The following ERH variants were observed in gnomAD, a reference collection of about 807,000 sequenced individuals.
The protein encoded by ERH is ERH mRNA splicing and mitosis factor.
In ERH, 1 loss-of-function variant was observed where a neutral mutation model predicts 16.8. The observed-to-expected ratio is 0.06, with a 90% CI of 0.02 to 0.28. ERH has a LOEUF of 0.28. Ranked by LOEUF, ERH falls within the 10% of genes least tolerant of loss-of-function variation. The pLI, the probability that ERH is intolerant of heterozygous loss-of-function variation, is 1.00. For synonymous variants in ERH, 43 were observed against 43.6 expected (o/e 0.99, Z 0.05); for missense variants, 42 against 127.5 (o/e 0.33, Z 3.23).
intron 3 of ERH, among the ~76,000 whole-genome samples, chr14:69,383,735 T>C (rs1332661620): frequency 2.0e-5 from 3 of 152,240 alleles, no homozygotes; most frequent in Admixed American, 2.0e-4. Flanking sequence ...GGAAATACTG[T>C]AGGTGGGAAG....
At chr14:69,382,753 C>T (rs1164972488) in intron 3 of ERH, among the ~76,000 whole-genome samples, 6 of 148,982 alleles carry the variant, frequency 4.0e-5, no homozygotes, top group African/African-American at 1.5e-4. Flanking sequence ...GCAGGAGAAT[C>T]GCTTGAACCC....
At chr14:69,398,146 T>C in intron 1 of ERH, 85 bp downstream of exon 1, 2 of 1,508,364 alleles carry the variant, frequency 1.3e-6, no homozygotes, top group Admixed American at 1.8e-5. Context: ...TGCATGGGGC[T>C]CGTGGGGAGG....
intron 1 of ERH, among the ~76,000 whole-genome samples, chr14:69,395,123 T>C (rs1179181088): frequency 1.3e-5 from 2 of 152,098 alleles, no homozygotes; most frequent in Non-Finnish European, 2.9e-5. Context: ...GAGACCAACC[T>C]GGGCAACATA....
intron 3 of ERH, 46 bp from the exon 4 acceptor site, chr14:69,380,686 G>A (rs2045857713): frequency 1.8e-6 from 2 of 1,123,070 alleles, no homozygotes; most frequent in African/African-American, 3.1e-5. Context: ...GTCAATCACT[G>A]CCAGGTGTTT....
chr14:69,383,440 G>A (rs1221289622), intron 3 of ERH, among the ~76,000 whole-genome samples: 2 of 152,174 alleles, frequency 1.3e-5, no homozygotes, highest in Non-Finnish European at 2.9e-5. Flanking sequence ...GAGGAGTAAC[G>A]GCCCAAATCA....
intron 3 of ERH, among the ~76,000 whole-genome samples, chr14:69,382,978 A>G (rs774699657): frequency 1.3e-5 from 2 of 152,192 alleles, no homozygotes; most frequent in Non-Finnish European, 2.9e-5. Flanking sequence ...TAAGAACAGA[A>G]GCTGTGGGTC....
chr14:69,384,916 T>C (rs1324427335), intron 3 of ERH, among the ~76,000 whole-genome samples: 1 of 152,126 alleles, frequency 6.6e-6, no homozygotes, highest in Non-Finnish European at 1.5e-5. Flanking sequence ...AATGATCTCA[T>C]CTCCTACCCT....
chr14:69,390,363 A>G (rs1278725817), intron 2 of ERH, among the ~76,000 whole-genome samples: 1 of 152,252 alleles, frequency 6.6e-6, no homozygotes, highest in African/African-American at 2.4e-5. Flanking sequence ...CAGGATAGGT[A>G]TCTACATCAA....
At position 69,380,770 on chromosome 14, in the gene ERH, G is replaced by A. The variant is rs1039210903; in HGVS notation, c.213-130C>T. 3 of 589,750 alleles carry A rather than the reference G, an allele frequency of 5.1e-6. No individual in the cohort carries two copies. The African/African-American group carries it at 5.6e-5, about 11-fold the overall frequency. 36.5% of individuals were successfully genotyped at this position (589,750 alleles called of 1,614,324 possible). A position where few individuals can be genotyped will look rare whatever the true frequency, so the allele number is the denominator to read the frequency against. ...CCAAAAATGAACTTAATGAAAAGCT[G>A]AAAGAGCTACTTACACAGTCGTTGA... is the stretch of plus-strand genomic sequence containing the variant. On this transcript the variant is annotated intron_variant, in intron 3 of 3. Coordinates refer to ENST00000557016, the MANE Select transcript of ERH (RefSeq NM_004450.3).
chr14:69,381,698 C>CT (rs949988722), intron 3 of ERH, among the ~76,000 whole-genome samples: 2 of 151,804 alleles, frequency 1.3e-5, no homozygotes, highest in Admixed American at 1.3e-4. Context: ...CCGACCCCTG[C>CT]TTTTTTTTGA....
intron 1 of ERH, 67 bp downstream of exon 1, chr14:69,398,164 G>A (rs1037324047): frequency 3.1e-6 from 5 of 1,600,640 alleles, no homozygotes; most frequent in Non-Finnish European, 4.3e-6. Flanking sequence ...AGGGGAAAAC[G>A]TATGGGGCTG....
At chr14:69,394,298 A>C (rs1433984263) in intron 2 of ERH, among the ~76,000 whole-genome samples, 1 of 152,200 alleles carries the variant, frequency 6.6e-6, no homozygotes, top group Non-Finnish European at 1.5e-5. Context: ...AAAAAAAAAA[A>C]ACACCTAATA....
At chr14:69,389,216 G>A (rs147895019) in intron 2 of ERH, among the ~76,000 whole-genome samples, 167 of 152,156 alleles carry the variant, frequency 1.1e-3, no homozygotes, top group Middle Eastern at 3.4e-3. Context: ...TAGTAGAGAC[G>A]GGGTTTTGCG....
intron 2 of ERH, among the ~76,000 whole-genome samples, chr14:69,390,298 T>C (rs2045916862): frequency 6.6e-6 from 1 of 152,106 alleles, no homozygotes; most frequent in African/African-American, 2.4e-5. Flanking sequence ...TCAAACTTCC[T>C]GATTTCAAAA....
intron 3 of ERH, among the ~76,000 whole-genome samples, chr14:69,382,974 CAG>C (rs2045872061): frequency 6.6e-6 from 1 of 152,106 alleles, no homozygotes. Flanking sequence ...TATATAAGAA[CAG>C]AAGCTGTGGG....
At chr14:69,394,745 TAAA>T in intron 2 of ERH, 77 bp downstream of exon 2, 4 of 812,944 alleles carry the variant, frequency 4.9e-6, no homozygotes, top group South Asian at 1.8e-5. Flanking sequence ...GATGGACTAT[TAAA>T]AAAAAAAAAT....
At chr14:69,393,559 C>A (rs1183675311) in intron 2 of ERH, among the ~76,000 whole-genome samples, 1 of 152,160 alleles carries the variant, frequency 6.6e-6, no homozygotes, top group African/African-American at 2.4e-5. Flanking sequence ...TGAAGTAACT[C>A]AGAAAGTCAA....
intron 3 of ERH, among the ~76,000 whole-genome samples, chr14:69,386,503 A>C (rs1388009202): frequency 6.6e-6 from 1 of 152,240 alleles, no homozygotes; most frequent in East Asian, 1.9e-4. Context: ...ACAAACTATA[A>C]CAAATATGTT....
chr14:69,380,521 C>CCTG lies in ERH; in HGVS notation c.*16_*17insCAG. The CCTG allele has an allele frequency of 4.4e-6, 6 of 1,367,750 alleles. No homozygotes were observed. The highest frequency in any genetic ancestry group is 1.2e-5 in the South Asian group (1 of 86,110). 84.7% of individuals were successfully genotyped at this position (1,367,750 alleles called of 1,614,324 possible). A position where few individuals can be genotyped will look rare whatever the true frequency, so the allele number is the denominator to read the frequency against. On this transcript the variant is annotated 3_prime_UTR_variant, in exon 4 of 4. Coordinates refer to ENST00000557016, the MANE Select transcript of ERH (RefSeq NM_004450.3). The stretch of plus-strand genomic sequence containing the variant: ...TGTTCCAAGCCCACCCCAACCCCCC[C>CCTG]AGTGCTTCCAACACAATTATTTCCC...
Sources: gnomAD v4.1 joint callset for allele counts (sites outside exome capture counted in the v4.1 genomes callset) on GRCh38, gnomAD v4.1.1 for gene constraint, MANE v1.5 for transcripts, NCBI Gene and HGNC (gene_info 2026-07-23, HGNC 2026-07-21) for gene names.